NRG1: variants seen among roughly 807,000 people sequenced by gnomAD.
The protein encoded by NRG1 is pro-neuregulin-1, membrane-bound isoform.
A neutral mutation model predicts 63.8 loss-of-function variants in NRG1; 18 were observed. That is an observed-to-expected ratio of 0.28 (90% confidence interval 0.19 to 0.42). The LOEUF is 0.42. Ranked by LOEUF, NRG1 falls within the 10% of genes least tolerant of loss-of-function variation. The probability of loss-of-function intolerance (pLI) is 1.00; values close to 1 mark genes in which losing one functional copy is unlikely to be tolerated. For synonymous variants in NRG1, 302 were observed against 301.3 expected (o/e 1.00, Z -0.02); for missense variants, 762 against 814.7 (o/e 0.94, Z 0.79).
At chr8:32,073,324 C>G (rs1826023373) in intron 1 of NRG1, among the ~76,000 whole-genome samples, 1 of 152,058 alleles carries the variant, frequency 6.6e-6, no homozygotes, top group Non-Finnish European at 1.5e-5. Context: ...GAAGTTGGAA[C>G]CGAGGAGAAA....
intron 1 of NRG1, among the ~76,000 whole-genome samples, chr8:32,265,731 T>C (rs1233578129): frequency 6.6e-6 from 1 of 151,902 alleles, no homozygotes; most frequent in Non-Finnish European, 1.5e-5. Flanking sequence ...TAGACCCAGC[T>C]ACTGGGGAGG....
intron 1 of NRG1, among the ~76,000 whole-genome samples, chr8:32,145,530 T>A (rs1267521907): frequency 6.6e-6 from 1 of 152,228 alleles, no homozygotes; most frequent in African/African-American, 2.4e-5. Flanking sequence ...CATGGTATAT[T>A]GTGCATTGTA....
intron 1 of NRG1, among the ~76,000 whole-genome samples, chr8:32,414,676 T>C (rs914190731): frequency 5.9e-5 from 9 of 152,118 alleles, no homozygotes; most frequent in Non-Finnish European, 8.8e-5. Flanking sequence ...AGCAGGAGAG[T>C]AGTGCCAACG....
intron 1 of NRG1, among the ~76,000 whole-genome samples, chr8:31,873,096 C>T (rs185134206): frequency 6.6e-6 from 1 of 152,264 alleles, no homozygotes; most frequent in African/African-American, 2.4e-5. Context: ...AGGGTACATA[C>T]AGCTGTAGTT....
At chr8:32,599,593 G>A (rs117998299) in intron 2 of NRG1, among the ~76,000 whole-genome samples, 1,706 of 152,188 alleles carry the variant, frequency 0.011, 10 homozygotes, top group Non-Finnish European at 0.018. Flanking sequence ...CATGTGTGGG[G>A]CCAATGAAAA....
chr8:32,539,156 T>A (rs1832326692), intron 1 of NRG1, among the ~76,000 whole-genome samples: 1 of 152,206 alleles, frequency 6.6e-6, no homozygotes, highest in African/African-American at 2.4e-5. Flanking sequence ...AGATTGTTTA[T>A]GCAGCAATGA....
chr8:32,611,839 G>A (rs957135840), intron 3 of NRG1, among the ~76,000 whole-genome samples: 1 of 151,918 alleles, frequency 6.6e-6, no homozygotes, highest in Non-Finnish European at 1.5e-5. Flanking sequence ...TGTATACAAT[G>A]TGCATATGTG....
intron 1 of NRG1, among the ~76,000 whole-genome samples, chr8:32,401,405 A>C (rs567343706): frequency 3.3e-5 from 5 of 152,222 alleles, no homozygotes; most frequent in African/African-American, 1.2e-4. Context: ...TCTCTCTGGC[A>C]CTTATCATTT....
chr8:32,060,386 G>C (rs1472832628), intron 1 of NRG1, among the ~76,000 whole-genome samples: 4 of 151,834 alleles, frequency 2.6e-5, no homozygotes, highest in Admixed American at 2.0e-4. Flanking sequence ...TATTAAAGAG[G>C]TGAAATTTGG....
chr8:32,669,256 C>A (rs1805010654), intron 5 of NRG1, among the ~76,000 whole-genome samples: 1 of 152,078 alleles, frequency 6.6e-6, no homozygotes, highest in African/African-American at 2.4e-5. Flanking sequence ...AGCATGTATA[C>A]CTCATGATCA....
chr8:32,433,222 A>G (rs1204577676), intron 1 of NRG1, among the ~76,000 whole-genome samples: 1 of 152,172 alleles, frequency 6.6e-6, no homozygotes, highest in Non-Finnish European at 1.5e-5. Flanking sequence ...GGAACAAGTG[A>G]TGAGACATCA....
At chr8:32,304,517 T>C (rs544429430) in intron 1 of NRG1, among the ~76,000 whole-genome samples, 1 of 152,242 alleles carries the variant, frequency 6.6e-6, no homozygotes, top group Admixed American at 6.5e-5. Flanking sequence ...TTAGTAAAAC[T>C]TTCAAAAAAA....
intron 5 of NRG1, among the ~76,000 whole-genome samples, chr8:32,626,965 A>G (rs1378947286): frequency 1.3e-5 from 2 of 152,118 alleles, no homozygotes; most frequent in Non-Finnish European, 2.9e-5. Context: ...GGTTGCAGTG[A>G]GCTGAGATCG....
intron 1 of NRG1, among the ~76,000 whole-genome samples, chr8:32,473,802 A>C (rs576768786): frequency 6.6e-6 from 1 of 152,152 alleles, no homozygotes; most frequent in African/African-American, 2.4e-5. Flanking sequence ...TCCTGCTTCA[A>C]CCTGCTGAGT....
At chr8:32,645,946 C>G (rs1219356073) in intron 5 of NRG1, among the ~76,000 whole-genome samples, 6 of 152,142 alleles carry the variant, frequency 3.9e-5, no homozygotes, top group East Asian at 1.9e-4. Context: ...GAAACCTAAC[C>G]CAAAAGGCAT....
At chr8:32,211,110 T>C (rs1374255032) in intron 1 of NRG1, among the ~76,000 whole-genome samples, 1 of 152,188 alleles carries the variant, frequency 6.6e-6, no homozygotes, top group Non-Finnish European at 1.5e-5. Flanking sequence ...GAGATAACTG[T>C]GTTAGCATTT....
intron 1 of NRG1, among the ~76,000 whole-genome samples, chr8:32,100,210 A>G (rs1475829910): frequency 6.6e-6 from 1 of 152,102 alleles, no homozygotes; most frequent in African/African-American, 2.4e-5. Flanking sequence ...AAACAAAACA[A>G]AACAAAAACT....
intron 1 of NRG1, among the ~76,000 whole-genome samples, chr8:31,835,963 G>A (rs1435711467): frequency 6.6e-6 from 1 of 152,130 alleles, no homozygotes; most frequent in Non-Finnish European, 1.5e-5. Flanking sequence ...AGATGTTTAA[G>A]TTTATTTAAC....
At position 32,628,390 on chromosome 8, in the gene NRG1, A is replaced by G. The variant is rs538682683; in HGVS notation, c.502+11505A>G. On this transcript the variant is annotated intron_variant, in intron 5 of 11. Coordinates refer to ENST00000356819, the Ensembl canonical transcript of NRG1. The stretch of plus-strand genomic sequence containing the variant: ...TTTCACCTCCCTAATGTTCCACAGC[A>G]TAAATACATCTTTGTTCAGAGTTTC... 8.5e-5 allele frequency among the ~76,000 whole-genome samples: 13 copies of G among 152,300 alleles called. No homozygotes were observed. In the South Asian group the frequency reaches 2.5e-3, roughly 29 times the overall value.
Sources: allele counts gnomAD v4.1 joint callset (sites outside exome capture counted in the v4.1 genomes callset), GRCh38; gene constraint gnomAD v4.1.1; transcripts MANE v1.5; gene names NCBI Gene and HGNC (gene_info 2026-07-23, HGNC 2026-07-21).